TAB2: variants seen among roughly 807,000 people sequenced by gnomAD.
TAB2 encodes the protein TGF-beta activated kinase 1 (MAP3K7) binding protein 2.
In TAB2, 3 loss-of-function variants were observed where a neutral mutation model predicts 65.0. That is an observed-to-expected ratio of 0.05 (90% CI 0.02 to 0.12). The LOEUF is 0.12. Among genes scored for constraint, TAB2 ranks in the 10% least tolerant of loss-of-function variants. The pLI is 1.00. For missense variants in TAB2, 623 were observed against 840.3 expected, an observed-to-expected ratio of 0.74 and a Z score of 3.20; for synonymous variants, 298 against 285.1, an observed-to-expected ratio of 1.05 and a Z score of -0.46.
At chr6:149,307,177 C>T (rs1779087323) in intron 1 of TAB2, among the ~76,000 whole-genome samples, 2 of 151,542 alleles carry the variant, frequency 1.3e-5, no homozygotes, top group African/African-American at 4.9e-5. Flanking sequence ...ATTAGGCCCC[C>T]GAGTCTCACA....
At position 149,281,555 on chromosome 6, in the gene TAB2, C is replaced by CAAAAAAAAAAAA. The variant is rs59196897; in HGVS notation, c.-121+62794_-121+62805dup. Reference sequence around the variant, plus strand: ...TGAACAACACAGCAAGATGCCATCTCAAAAAAAAAAAAAAAAAAAAAAAAA... The same window carrying CAAAAAAAAAAAA: ...TGAACAACACAGCAAGATGCCATCTCAAAAAAAAAAAAAAAAAAAAAAAAAAAAAAAAAAAAA... On this transcript the variant is annotated intron_variant, in intron 1 of 1. Transcript: ENST00000606202. Among the ~76,000 whole-genome samples the CAAAAAAAAAAAA allele has an allele frequency of 1.2e-3, 84 of 70,336 alleles. 25 individuals carry two copies. Among genetic ancestry groups the CAAAAAAAAAAAA allele is most frequent in the African/African-American group, 4.0e-3 (78 of 19,640 alleles). 46.1% of individuals were successfully genotyped at this position (70,336 alleles called of 152,430 possible). A position where few individuals can be genotyped will look rare whatever the true frequency, so the allele number is the denominator to read the frequency against.
intron 1 of TAB2, among the ~76,000 whole-genome samples, chr6:149,262,693 A>G (rs1778179993): frequency 6.6e-6 from 1 of 152,212 alleles, no homozygotes; most frequent in Non-Finnish European, 1.5e-5. Flanking sequence ...TCCACATCAC[A>G]TCCATCATCT....
intron 1 of TAB2, among the ~76,000 whole-genome samples, chr6:149,291,069 T>G (rs1347085299): frequency 6.6e-6 from 1 of 152,252 alleles, no homozygotes; most frequent in African/African-American, 2.4e-5. Flanking sequence ...ATTGAAAAGT[T>G]TTTCTTCTAT....
intron 1 of TAB2, among the ~76,000 whole-genome samples, chr6:149,259,265 G>T (rs1778102822): frequency 6.6e-6 from 1 of 151,724 alleles, no homozygotes; most frequent in Admixed American, 6.6e-5. Context: ...GCCATAAATG[G>T]CCCTAGAAAT....
intron 1 of TAB2, among the ~76,000 whole-genome samples, chr6:149,305,395 G>A (rs909366401): frequency 6.6e-6 from 1 of 152,126 alleles, no homozygotes; most frequent in African/African-American, 2.4e-5. Context: ...GCATTAGTTT[G>A]TCACTTTGAA....
chr6:149,287,484 T>TG (rs1392892304), intron 1 of TAB2, among the ~76,000 whole-genome samples: 3 of 97,256 alleles, frequency 3.1e-5, no homozygotes, highest in African/African-American at 1.1e-4. Flanking sequence ...TGTTTTCTGT[T>TG]TTTTTTTTTA....
intron 1 of TAB2, among the ~76,000 whole-genome samples, chr6:149,328,968 C>T (rs1779701115): frequency 6.6e-6 from 1 of 152,110 alleles, no homozygotes; most frequent in Non-Finnish European, 1.5e-5. Context: ...TAGAGAGAAA[C>T]ACCATGCATG....
intron 1 of TAB2, among the ~76,000 whole-genome samples, chr6:149,270,885 T>G (rs1778349121): frequency 6.6e-6 from 1 of 152,136 alleles, no homozygotes; most frequent in Admixed American, 6.6e-5. Context: ...GGTACTGTCT[T>G]GAAGGATTCT....
chr6:149,368,012 A>C (rs1781094993), intron 1 of TAB2, among the ~76,000 whole-genome samples: 1 of 152,156 alleles, frequency 6.6e-6, no homozygotes, highest in Admixed American at 6.6e-5. Flanking sequence ...CAGTATATAG[A>C]TATTATTTAA....
intron 1 of TAB2, among the ~76,000 whole-genome samples, chr6:149,253,998 GAAA>G (rs1777930139): frequency 7.1e-6 from 1 of 140,380 alleles, no homozygotes; most frequent in African/African-American, 2.7e-5. Context: ...AAGAAAGAAA[GAAA>G]GAAAGAAAGA....
intron 6 of TAB2, among the ~76,000 whole-genome samples, chr6:149,407,838 A>G (rs1225469046): frequency 6.6e-6 from 1 of 151,866 alleles, no homozygotes; most frequent in African/African-American, 2.4e-5. Flanking sequence ...ACCACTGGAG[A>G]TTTTTCATTT....
intron 2 of TAB2, among the ~76,000 whole-genome samples, chr6:149,370,338 G>A (rs142584068): frequency 3.9e-5 from 6 of 152,272 alleles, no homozygotes; most frequent in African/African-American, 1.2e-4. Context: ...AGATCTGAAT[G>A]TAAAGCATTG....
intron 1 of TAB2, among the ~76,000 whole-genome samples, chr6:149,241,206 T>A (rs536440573): frequency 6.6e-6 from 1 of 152,302 alleles, no homozygotes; most frequent in Non-Finnish European, 1.5e-5. Context: ...AAATGACTAT[T>A]GTTTAAGACA....
At chr6:149,225,711 C>T (rs933436063) in intron 1 of TAB2, among the ~76,000 whole-genome samples, 7 of 152,036 alleles carry the variant, frequency 4.6e-5, no homozygotes, top group African/African-American at 1.2e-4. Context: ...AAACTCCACC[C>T]GCTATAAAAA....
At chr6:149,348,597 A>G (rs1371064736) in intron 1 of TAB2, among the ~76,000 whole-genome samples, 2 of 150,982 alleles carry the variant, frequency 1.3e-5, no homozygotes, top group Non-Finnish European at 2.9e-5. Flanking sequence ...ACACAAAAAA[A>G]CACACAGGGC....
chr6:149,312,823 T>A (rs1208297732), upstream of TAB2, among the ~76,000 whole-genome samples: 1 of 152,252 alleles, frequency 6.6e-6, no homozygotes. Context: ...TGAATTGTGA[T>A]AATTAACATA....
intron 3 of TAB2, chr6:149,380,194 C>A (rs1781562914): frequency 9.7e-6 from 2 of 205,256 alleles, no homozygotes; most frequent in Non-Finnish European, 2.0e-5. Context: ...TGAACTGTGA[C>A]CATACCACTC....
At chr6:149,295,916 C>G (rs1420221141) in intron 1 of TAB2, among the ~76,000 whole-genome samples, 1 of 152,076 alleles carries the variant, frequency 6.6e-6, no homozygotes, top group Non-Finnish European at 1.5e-5. Flanking sequence ...GGACTACAGG[C>G]GCATACTACT....
At chr6:149,301,425 T>C (rs1778971175) in intron 1 of TAB2, among the ~76,000 whole-genome samples, 1 of 152,186 alleles carries the variant, frequency 6.6e-6, no homozygotes, top group Non-Finnish European at 1.5e-5. Context: ...TGTTGAAGCC[T>C]TCATATATAG....
Sources: allele counts gnomAD v4.1 joint callset (sites outside exome capture counted in the v4.1 genomes callset), GRCh38; gene constraint gnomAD v4.1.1; transcripts MANE v1.5; gene names NCBI Gene and HGNC (gene_info 2026-07-23, HGNC 2026-07-21).